Variants in SLC8A3 observed in about 807,000 individuals in gnomAD.
SLC8A3 encodes sodium/calcium exchanger 3.
Under a neutral mutation model 65.4 loss-of-function variants are expected in SLC8A3, and 37 were observed. The observed-to-expected ratio is 0.57, with a 90% confidence interval of 0.44 to 0.74. The LOEUF is 0.74. Ranked by LOEUF, SLC8A3 falls within the 30% of genes least tolerant of loss-of-function variation. The pLI is 0.00. For synonymous variants in SLC8A3, 461 were observed against 444.5 expected (o/e 1.04, Z -0.47); for missense variants, 1,112 against 1,172.1 (o/e 0.95, Z 0.75).
At chr14:70,063,945 T>C (rs372461949) in intron 2 of SLC8A3, 209 of 1,396,574 alleles carry the variant, frequency 1.5e-4, no homozygotes, top group African/African-American at 1.2e-3. Context: ...GATGGAAAAA[T>C]AAGTATCATA....
At chr14:70,170,376 A>C (rs1897448160) in intron 1 of SLC8A3, among the ~76,000 whole-genome samples, 1 of 152,202 alleles carries the variant, frequency 6.6e-6, no homozygotes, top group East Asian at 1.9e-4. Context: ...CATCTTTGAA[A>C]TGAGGGTTTC....
At chr14:70,115,222 G>A (rs903570948) in intron 2 of SLC8A3, among the ~76,000 whole-genome samples, 1 of 152,096 alleles carries the variant, frequency 6.6e-6, no homozygotes, top group African/African-American at 2.4e-5. Flanking sequence ...AGCGCACTTG[G>A]CACTCGATGT....
chr14:70,167,294 C>G lies in SLC8A3; in HGVS notation c.1129G>C (p.Ala377Pro), dbSNP rs759092148. The G allele has an allele frequency of 6.2e-7, 1 of 1,614,178 alleles. No individual in the cohort carries two copies. Among genetic ancestry groups the G allele is most frequent in the East Asian group, 2.2e-5 (1 of 44,884 alleles). Residue 377 changes from alanine to proline, a missense_variant, in exon 2 of 7, where the codon GCC (alanine) becomes CCC (proline). Transcript: ENST00000356921. ...NILKKHAAEQ[A>P]KKASSMSEVH... Reference sequence around the variant, plus strand: ...TCGCTCATGCTGGAGGCCTTCTTGGCTTGTTCTGCTGCATGTTTCTTCAGG... The same window carrying G: ...TCGCTCATGCTGGAGGCCTTCTTGGGTTGTTCTGCTGCATGTTTCTTCAGG...
At chr14:70,160,793 G>A (rs1896836393) in intron 2 of SLC8A3, among the ~76,000 whole-genome samples, 1 of 151,800 alleles carries the variant, frequency 6.6e-6, no homozygotes, top group Admixed American at 6.6e-5. Flanking sequence ...CACAGAACTT[G>A]GGGTGTTTTA....
chr14:70,069,204 T>C (rs768312315), intron 2 of SLC8A3, among the ~76,000 whole-genome samples: 3 of 152,214 alleles, frequency 2.0e-5, no homozygotes, highest in Non-Finnish European at 4.4e-5. Flanking sequence ...GCAGCCACAG[T>C]GAGGAGGCAC....
At chr14:70,079,198 A>G (rs1328961772) in intron 2 of SLC8A3, among the ~76,000 whole-genome samples, 1 of 152,016 alleles carries the variant, frequency 6.6e-6, no homozygotes, top group Admixed American at 6.6e-5. Context: ...TATCTGTTGA[A>G]TGAGGCTAGG....
chr14:70,112,574 C>T (rs943143801), intron 2 of SLC8A3, among the ~76,000 whole-genome samples: 1 of 152,208 alleles, frequency 6.6e-6, no homozygotes, highest in Admixed American at 6.5e-5. Context: ...TTGAGGGCTT[C>T]TGGCTCTTTC....
chr14:70,154,583 C>T (rs1896464558), intron 2 of SLC8A3, among the ~76,000 whole-genome samples: 1 of 152,160 alleles, frequency 6.6e-6, no homozygotes, highest in South Asian at 2.1e-4. Flanking sequence ...AGCAAAAGGC[C>T]AGAGAAGTAC....
At chr14:70,086,944 T>C (rs1249254181) in intron 2 of SLC8A3, among the ~76,000 whole-genome samples, 2 of 152,190 alleles carry the variant, frequency 1.3e-5, no homozygotes, top group Non-Finnish European at 2.9e-5. Flanking sequence ...CTGAGTTACG[T>C]GTGCTGGAGG....
chr14:70,052,080 CTCT>C lies in SLC8A3; in HGVS notation c.1920_1922del (p.Glu642del). The C allele has an allele frequency of 6.2e-7, 1 of 1,606,682 alleles. No homozygotes were observed. Among genetic ancestry groups the C allele is most frequent in the South Asian group, 1.1e-5 (1 of 89,098 alleles). Reference sequence around the variant, plus strand: ...CCATCTCTGCTATCCTCTTGGCCTCCTCTTCTTCCATAGTCAGCTTCCTGTCTG... The same window carrying C: ...CCATCTCTGCTATCCTCTTGGCCTCCTCTTCCATAGTCAGCTTCCTGTCTG... On this transcript the variant is annotated inframe_deletion, in exon 4 of 7. Transcript: ENST00000356921.
In SLC8A3 at chr14:70,168,449, T is replaced by C. The variant is rs762838710; in HGVS notation, c.-27A>G. ...CACGAGACTTAGCCACTGGCTTCTA[T>C]TGCAGCACCAGTTGTCCTCCTGATA... On this transcript the variant is annotated 5_prime_UTR_variant, in exon 2 of 7. Coordinates refer to ENST00000356921, the MANE Select transcript of SLC8A3 (RefSeq NM_182932.3). 7.6e-6 allele frequency: 12 copies of C among 1,572,896 alleles called. No homozygotes were observed. Among genetic ancestry groups the C allele is most frequent in the Non-Finnish European group, 1.0e-5 (12 of 1,150,212 alleles).
intron 6 of SLC8A3, 105 bp downstream of exon 6, chr14:70,048,662 T>C (rs758068582): frequency 7.0e-6 from 7 of 1,005,324 alleles, no homozygotes; most frequent in African/African-American, 6.4e-5. Context: ...AGAGGCTCTG[T>C]TAAGTTCAGA....
At chr14:70,168,855 C>T (rs772432182) in intron 1 of SLC8A3, among the ~76,000 whole-genome samples, 9 of 152,172 alleles carry the variant, frequency 5.9e-5, no homozygotes, top group Non-Finnish European at 1.0e-4. Flanking sequence ...CTGGGGTGTT[C>T]GGACTTCCTT....
chr14:70,060,805 T>C (rs370057240), intron 3 of SLC8A3, 31 bp downstream of exon 3: 115 of 1,081,930 alleles, frequency 1.1e-4, no homozygotes, highest in Non-Finnish European at 1.5e-4. Flanking sequence ...TTTCTTTTTT[T>C]TTGTTGTTTT....
chr14:70,166,604 G>A, intron 2 of SLC8A3, 35 bp downstream of exon 2: 1 of 1,208,792 alleles, frequency 8.3e-7, no homozygotes, highest in South Asian at 1.4e-5. Flanking sequence ...AAAAGATGGG[G>A]TCAGGGAGGG....
intron 2 of SLC8A3, among the ~76,000 whole-genome samples, chr14:70,135,567 AT>A (rs779256832): frequency 1.3e-5 from 2 of 152,238 alleles, no homozygotes; most frequent in East Asian, 3.8e-4. Context: ...CCATAAAAAA[AT>A]AAATAAGATC....
intron 2 of SLC8A3, among the ~76,000 whole-genome samples, chr14:70,149,856 A>G (rs1476253440): frequency 2.0e-5 from 3 of 152,166 alleles, no homozygotes; most frequent in Non-Finnish European, 4.4e-5. Context: ...ATCGGGATGC[A>G]GAGGAGTCAA....
intron 2 of SLC8A3, among the ~76,000 whole-genome samples, chr14:70,070,113 A>G (rs1450907924): frequency 6.6e-6 from 1 of 152,216 alleles, no homozygotes; most frequent in African/African-American, 2.4e-5. Flanking sequence ...TTCTGACACT[A>G]TATCTTGAGA....
chr14:70,156,268 T>G (rs1240257449), intron 2 of SLC8A3, among the ~76,000 whole-genome samples: 1 of 152,260 alleles, frequency 6.6e-6, no homozygotes, highest in Admixed American at 6.5e-5. Flanking sequence ...CTGTGTTATA[T>G]GTAGGATAAA....
Sources: gnomAD v4.1 joint callset for allele counts (sites outside exome capture counted in the v4.1 genomes callset) on GRCh38, gnomAD v4.1.1 for gene constraint, MANE v1.5 for transcripts, NCBI Gene and HGNC (gene_info 2026-07-23, HGNC 2026-07-21) for gene names.